The following ACOT1 variants were observed in gnomAD, a reference collection of about 807,000 sequenced individuals.
ACOT1 encodes the protein acyl-CoA thioesterase 1, also known as acyl-coenzyme A thioesterase 1.
In ACOT1, 8 loss-of-function variants were observed where a neutral mutation model predicts 15.7. The observed-to-expected ratio is 0.51, with a 90% CI of 0.30 to 0.92. The LOEUF (loss-of-function observed/expected upper bound fraction) is 0.92. Among genes scored for constraint, ACOT1 ranks in the 40% least tolerant of loss-of-function variants. The pLI, the probability that ACOT1 is intolerant of heterozygous loss-of-function variation, is 0.06. For missense variants in ACOT1, 151 were observed against 539.4 expected (o/e 0.28, Z 7.13); for synonymous variants, 67 against 241.2 (o/e 0.28, Z 6.69).
the ACOT1 span, among the ~76,000 whole-genome samples, chr14:73,504,089 T>C: frequency 2.1e-4 from 32 of 151,576 alleles, no homozygotes; most frequent in African/African-American, 7.5e-4. Context: ...TTTTTTTTTT[T>C]TTTTTGAGAC....
the ACOT1 span, among the ~76,000 whole-genome samples, chr14:73,505,153 G>A: frequency 8.5e-5 from 13 of 152,260 alleles, no homozygotes. Flanking sequence ...CTGGTCTCAA[G>A]TGATCCACCC....
chr14:73,510,457 T>TA, the ACOT1 span, among the ~76,000 whole-genome samples: 1 of 151,486 alleles, frequency 6.6e-6, no homozygotes, highest in East Asian at 1.9e-4. Flanking sequence ...TTTTTTGAGA[T>TA]AGAGTTTTTG....
chr14:73,508,237 G>A, the ACOT1 span: 30 of 1,613,972 alleles, frequency 1.9e-5, no homozygotes, highest in South Asian at 3.3e-4. Context: ...CACAGGGTAA[G>A]TAGCAGTACC....
At chr14:73,521,996 T>G in the ACOT1 span, among the ~76,000 whole-genome samples, 7 of 152,226 alleles carry the variant, frequency 4.6e-5, no homozygotes, top group African/African-American at 1.7e-4. Context: ...TTTTCACAGC[T>G]AGGAGTTTGT....
the ACOT1 span, chr14:73,491,854 C>T: frequency 7.5e-4 from 1,202 of 1,609,896 alleles, 10 homozygotes; most frequent in East Asian, 0.022. Flanking sequence ...ACCCACCCGG[C>T]CGCGCGCTGC....
the ACOT1 span, chr14:73,493,227 G>T: frequency 1.1e-6 from 1 of 884,666 alleles, no homozygotes; most frequent in Non-Finnish European, 1.8e-6. Flanking sequence ...TCAGTGTACT[G>T]GGTAACACTG....
chr14:73,500,745 T>C, the ACOT1 span: 9 of 1,608,784 alleles, frequency 5.6e-6, no homozygotes, highest in Admixed American at 1.7e-5. Flanking sequence ...AAGGCACAAG[T>C]TGCTTTCCTT....
At chr14:73,495,869 T>TGTA in the ACOT1 span, among the ~76,000 whole-genome samples, 1 of 152,066 alleles carries the variant, frequency 6.6e-6, no homozygotes, top group African/African-American at 2.4e-5. Context: ...GGCTCATGCC[T>TGTA]GTAATCCCAG....
chr14:73,502,100 C>T, the ACOT1 span, among the ~76,000 whole-genome samples: 1 of 150,294 alleles, frequency 6.7e-6, no homozygotes, highest in African/African-American at 2.5e-5. Context: ...TGCTATGTTG[C>T]CCAGGCTGGT....
At chr14:73,524,392 A>T in the ACOT1 span, among the ~76,000 whole-genome samples, 1 of 146,392 alleles carries the variant, frequency 6.8e-6, no homozygotes, top group African/African-American at 2.6e-5. Context: ...TTCATGAATT[A>T]TTGGATGGGT....
the ACOT1 span, chr14:73,508,333 G>A: frequency 1.9e-6 from 3 of 1,601,232 alleles, no homozygotes; most frequent in Non-Finnish European, 8.5e-7. Context: ...GAATGGTGAT[G>A]TGTTTTCCCC....
the ACOT1 span, among the ~76,000 whole-genome samples, chr14:73,527,960 T>G: frequency 3.3e-5 from 1 of 29,874 alleles, no homozygotes; most frequent in South Asian, 8.9e-4. Context: ...AAACTCCATC[T>G]CAAAAAAAAA....
the ACOT1 span, among the ~76,000 whole-genome samples, chr14:73,504,493 T>G: frequency 1.3e-5 from 2 of 152,066 alleles, no homozygotes. Flanking sequence ...CCGCCCTCCT[T>G]GGCCTCCCAA....
At chr14:73,517,826 C>G in the ACOT1 span, among the ~76,000 whole-genome samples, 1 of 151,764 alleles carries the variant, frequency 6.6e-6, no homozygotes, top group East Asian at 1.9e-4. Context: ...CGGTGGCTCA[C>G]GCCTGTAATC....
the ACOT1 span, chr14:73,492,628 C>CGG: frequency 6.2e-7 from 1 of 1,613,976 alleles, no homozygotes; most frequent in East Asian, 2.2e-5. This position sits in a 1 kb window ranked among gnomAD's most constrained non-coding sequence, Gnocchi z 4.9. Flanking sequence ...AACCTGTAAA[C>CGG]GTGGGGGCCC....
chr14:73,514,747 G>A, the ACOT1 span, among the ~76,000 whole-genome samples: 1 of 152,130 alleles, frequency 6.6e-6, no homozygotes, highest in Non-Finnish European at 1.5e-5. Context: ...GAGAACAGAA[G>A]AAGCCGTAAA....
chr14:73,540,723 C>T (rs1435169847), intron 1 of ACOT1, among the ~76,000 whole-genome samples: 2 of 118,082 alleles, frequency 1.7e-5, no homozygotes, highest in African/African-American at 6.0e-5. Flanking sequence ...AAAAGTGTTG[C>T]CTGTAAGGTG....
chr14:73,527,164 A>G, the ACOT1 span: 1 of 152,112 alleles, frequency 6.6e-6, no homozygotes, highest in African/African-American at 2.4e-5. Context: ...ATATATAGAA[A>G]GCCTTCTCAA....
chr14:73,513,076 T>C, the ACOT1 span, among the ~76,000 whole-genome samples: 2 of 152,238 alleles, frequency 1.3e-5, no homozygotes, highest in Admixed American at 1.3e-4. Context: ...GCTGATACCA[T>C]AGTCAACTAT....
Sources: gnomAD v4.1 joint callset for allele counts (sites outside exome capture counted in the v4.1 genomes callset) on GRCh38, gnomAD v4.1.1 for gene constraint, Gnocchi (gnomAD v3.1) non-coding constraint, MANE v1.5 for transcripts, NCBI Gene and HGNC (gene_info 2026-07-23, HGNC 2026-07-21) for gene names.